The following MTRR variants were observed in gnomAD, a reference collection of about 807,000 sequenced individuals.
MTRR encodes the protein 5-methyltetrahydrofolate-homocysteine methyltransferase reductase.
A neutral mutation model predicts 79.2 loss-of-function variants in MTRR; 63 were observed. The observed-to-expected ratio is 0.80, with a 90% CI of 0.65 to 0.98. The LOEUF is 0.98. Ranked by LOEUF, MTRR falls within the 50% of genes least tolerant of loss-of-function variation. The pLI is 0.00. For synonymous variants in MTRR, 355 were observed against 313.3 expected, an observed-to-expected ratio of 1.13 and a Z score of -1.41; for missense variants, 895 against 839.6, an observed-to-expected ratio of 1.07 and a Z score of -0.82.
At chr5:7,865,993 A>G (rs17184211), upstream of MTRR, 2 of 1,609,610 alleles carry the variant, frequency 1.2e-6, no homozygotes, top group African/African-American at 2.7e-5. Flanking sequence ...CCTGAAACAG[A>G]AAGCATCCCA....
chr5:7,881,869 A>G (rs1020036527), intron 5 of MTRR, among the ~76,000 whole-genome samples: 14 of 151,856 alleles, frequency 9.2e-5, no homozygotes, highest in African/African-American at 3.1e-4. Flanking sequence ...AAGGTGATGC[A>G]TTTGCTTCCA....
At chr5:7,891,006 ACTGCGCACCTCC>A in intron 9 of MTRR, among the ~76,000 whole-genome samples, 1 of 4,924 alleles carries the variant, frequency 2.0e-4, no homozygotes, top group Non-Finnish European at 4.1e-4. Context: ...CCTGCAGAAA[ACTGCGCACCTCC>A]CTGCAGAAAA....
rs904590290 is a variant in MTRR at position 7,870,979 on chromosome 5, G to A, written c.129+56G>A. The A allele has an allele frequency of 3.7e-6, 6 of 1,608,104 alleles. No individual in the cohort carries two copies. In the South Asian group the frequency reaches 4.4e-5, roughly 12 times the overall value. On this transcript the variant is annotated intron_variant, in intron 2 of 14. Transcript: ENST00000440940. ...TTGTGCTTTGAAGAATTTTGGTTGG[G>A]AAGTGATATTTATGAAACAAAAGGA...
intron 1 of MTRR, among the ~76,000 whole-genome samples, chr5:7,857,138 TC>T (rs1207447630): frequency 2.6e-5 from 4 of 152,224 alleles, no homozygotes; most frequent in Non-Finnish European, 1.5e-5. Context: ...CAATTTTTTT[TC>T]ATTCATTTTT....
chr5:7,893,199 A>G (rs1273846471), intron 11 of MTRR: 3 of 420,714 alleles, frequency 7.1e-6, no homozygotes, highest in Middle Eastern at 7.0e-4. Flanking sequence ...TTCTTGGTAC[A>G]TTGGCCTGGG....
At chr5:7,878,353 C>T (rs762694677) in intron 5 of MTRR, 31 bp downstream of exon 5, 1 of 1,610,542 alleles carries the variant, frequency 6.2e-7, no homozygotes, top group Non-Finnish European at 8.5e-7. Context: ...GCTATAGATG[C>T]TATTTAATCA....
At chr5:7,895,319 G>A (rs912390521) in intron 11 of MTRR, among the ~76,000 whole-genome samples, 3 of 152,118 alleles carry the variant, frequency 2.0e-5, no homozygotes, top group African/African-American at 7.2e-5. Flanking sequence ...TTTTTAAGGT[G>A]CCTGACTTTT....
chr5:7,874,198 G>A (rs1748472346), intron 3 of MTRR, among the ~76,000 whole-genome samples: 1 of 152,188 alleles, frequency 6.6e-6, no homozygotes, highest in South Asian at 2.1e-4. Context: ...TGATACCAGA[G>A]GGGAATTGAG....
chr5:7,887,160 T>C (rs796737333), intron 8 of MTRR, among the ~76,000 whole-genome samples: 39 of 152,308 alleles, frequency 2.6e-4, no homozygotes, highest in African/African-American at 8.9e-4. Context: ...AGATCTACTT[T>C]GTGTAATACT....
At chr5:7,890,432 A>G (rs1187929084) in intron 9 of MTRR, 3 of 983,816 alleles carry the variant, frequency 3.0e-6, no homozygotes, top group Non-Finnish European at 3.6e-6. Flanking sequence ...TCTAAGTAGT[A>G]TTAGAAAGTT....
chr5:7,854,820 A>T (rs1474265429), intron 1 of MTRR, among the ~76,000 whole-genome samples: 1 of 152,186 alleles, frequency 6.6e-6, no homozygotes, highest in African/African-American at 2.4e-5. Flanking sequence ...GAGCTGAAGA[A>T]CTTGGAGTTT....
chr5:7,873,495 T>A lies in MTRR; in HGVS notation c.252T>A (p.Asp84Glu). Residue 84 changes from aspartate (D) to glutamate (E), a missense_variant, in exon 3 of 15, where the codon GAT becomes GAA. By Grantham distance (45) the Asp-to-Glu change is conservative (BLOSUM62 2). Coordinates refer to ENST00000440940, the MANE Select transcript of MTRR (RefSeq NM_002454.3). ...KEIQNQTLPV[D>E]FFAHLRYGLL... The stretch of plus-strand genomic sequence containing the variant: ...TACAGAACCAAACACTGCCGGTTGA[T>A]TTCTTTGCTCACCTGCGGTATGGGT... 3 of 1,614,150 alleles carry A rather than the reference T, an allele frequency of 1.9e-6. No individual in the cohort carries two copies. Among genetic ancestry groups the A allele is most frequent in the Non-Finnish European group, 2.5e-6 (3 of 1,180,022 alleles).
intron 8 of MTRR, 81 bp from the exon 9 acceptor site, chr5:7,889,014 C>T (rs1737092058): frequency 1.9e-6 from 3 of 1,541,412 alleles, no homozygotes; most frequent in South Asian, 2.3e-5. Flanking sequence ...TGGGTGCATC[C>T]CTAGGCAGAC....
upstream of MTRR, among the ~76,000 whole-genome samples, chr5:7,864,984 T>C (rs188978927): frequency 7.7e-4 from 117 of 152,242 alleles, no homozygotes; most frequent in African/African-American, 2.6e-3. Context: ...AGTGCATCAA[T>C]AGTAGAATAA....
intron 1 of MTRR, among the ~76,000 whole-genome samples, chr5:7,854,598 A>G (rs1439891339): frequency 6.6e-6 from 1 of 152,098 alleles, no homozygotes; most frequent in Non-Finnish European, 1.5e-5. Context: ...AAAAGCGGAA[A>G]CCCCTGATAA....
In MTRR at chr5:7,885,949, T is replaced by C. The variant is rs1340742850; in HGVS notation, c.1057+95T>C. 7.9e-6 allele frequency: 12 copies of C among 1,525,516 alleles called. No homozygotes were observed. The South Asian group carries it at 1.1e-4, about 14-fold the overall frequency. 94.5% of individuals were successfully genotyped at this position (1,525,516 alleles called of 1,614,324 possible). ...GCTCTAAGGTTCAGGGTCCTGTGTG[T>C]TGGCCGCACAGATGCCTGGGGCTCA... On this transcript the variant is annotated intron_variant, in intron 7 of 14. Transcript: ENST00000440940.
intron 1 of MTRR, chr5:7,861,632 C>T (rs767534081): frequency 6.2e-7 from 1 of 1,608,288 alleles, no homozygotes; most frequent in South Asian, 1.1e-5. Flanking sequence ...AATCCTTCTT[C>T]ATCTAATTTA....
At chr5:7,891,001 AGAAAACTGCGCACCTC>A (rs1737447378) in intron 9 of MTRR, among the ~76,000 whole-genome samples, 3 of 4,876 alleles carry the variant, frequency 6.2e-4, no homozygotes, top group African/African-American at 1.6e-3. Flanking sequence ...ACCTCCCTGC[AGAAAACTGCGCACCTC>A]CCTGCAGAAA....
At chr5:7,859,449 A>C in intron 1 of MTRR, 2 of 1,600,292 alleles carry the variant, frequency 1.2e-6, no homozygotes, top group Non-Finnish European at 1.7e-6. Flanking sequence ...TCTTGCAACC[A>C]ATGAACAGTG....
Sources: gnomAD v4.1 joint callset for allele counts (sites outside exome capture counted in the v4.1 genomes callset) on GRCh38, gnomAD v4.1.1 for gene constraint, MANE v1.5 for transcripts, NCBI Gene and HGNC (gene_info 2026-07-23, HGNC 2026-07-21) for gene names.